MIPOL1: variants seen among roughly 807,000 people sequenced by gnomAD.
The protein encoded by MIPOL1 is mirror-image polydactyly gene 1 protein.
MIPOL1 carries 57 observed loss-of-function variants against 60.9 expected under a neutral mutation model. The observed-to-expected ratio is 0.94, with a 90% CI of 0.76 to 1.17. The LOEUF is 1.17. Among genes scored for constraint, MIPOL1 ranks in the 50% most tolerant of loss-of-function variants. The pLI is 0.00. For synonymous variants in MIPOL1, 179 were observed against 168.8 expected (o/e 1.06, Z -0.47); for missense variants, 551 against 511.6 (o/e 1.08, Z -0.74).
At chr14:37,257,213 A>G (rs1975114964) in intron 3 of MIPOL1, among the ~76,000 whole-genome samples, 1 of 151,638 alleles carries the variant, frequency 6.6e-6, no homozygotes, top group Non-Finnish European at 1.5e-5. Flanking sequence ...GAGTATAATG[A>G]TTTCCTAAAA....
At chr14:37,512,715 G>C (rs1342754197) in intron 12 of MIPOL1, among the ~76,000 whole-genome samples, 1 of 151,788 alleles carries the variant, frequency 6.6e-6, no homozygotes, top group African/African-American at 2.4e-5. Context: ...TAAGTGTCAA[G>C]GCAAAATTAG....
rs1040676765 is a variant in MIPOL1, at chr14:37,489,516, G to A, written c.1032-10392G>A. On this transcript the variant is annotated intron_variant, in intron 11 of 12. Transcript: ENST00000684589. ...TGGCAATGAGCTGTGATCCTTTGGA[G>A]GAGAAGAGACATTCTGGTTTTTGGA... Among the ~76,000 whole-genome samples the A allele has an allele frequency of 1.1e-3, 164 of 152,270 alleles. 1 individual carries two copies. Among genetic ancestry groups the A allele is most frequent in the African/African-American group, 3.7e-3 (155 of 41,554 alleles).
chr14:37,435,085 C>A (rs1014867903), intron 11 of MIPOL1, among the ~76,000 whole-genome samples: 1 of 152,060 alleles, frequency 6.6e-6, no homozygotes, highest in Non-Finnish European at 1.5e-5. Flanking sequence ...CTTCCTCAAC[C>A]CTGTAGGTAT....
chr14:37,251,976 G>C (rs1487205243), intron 3 of MIPOL1, among the ~76,000 whole-genome samples: 1 of 151,522 alleles, frequency 6.6e-6, no homozygotes, highest in African/African-American at 2.4e-5. Flanking sequence ...CCCTAAGAAA[G>C]GTTACAAAAG....
intron 12 of MIPOL1, among the ~76,000 whole-genome samples, chr14:37,534,065 C>A: frequency 7.6e-6 from 1 of 130,748 alleles, no homozygotes. Context: ...TCCATCCTGG[C>A]GAGACTCCAT....
At chr14:37,356,103 G>C (rs1369657623) in intron 9 of MIPOL1, among the ~76,000 whole-genome samples, 61 of 150,082 alleles carry the variant, frequency 4.1e-4, no homozygotes, top group Non-Finnish European at 7.7e-4. Flanking sequence ...TGTCCTTTCT[G>C]TTTGTTAGTT....
At chr14:37,244,287 AT>A (rs1221466796) in intron 1 of MIPOL1, among the ~76,000 whole-genome samples, 6 of 149,396 alleles carry the variant, frequency 4.0e-5, no homozygotes, top group African/African-American at 7.3e-5. Context: ...AGCCAGGCTA[AT>A]TTTTTTTTAT....
intron 4 of MIPOL1, 116 bp downstream of exon 4, chr14:37,267,285 C>G: frequency 2.9e-6 from 2 of 690,434 alleles, no homozygotes; most frequent in South Asian, 1.8e-5. Context: ...GTCAGGAGTT[C>G]GAGACCAGCC....
At chr14:37,545,172 C>T (rs565496109) in intron 12 of MIPOL1, among the ~76,000 whole-genome samples, 2 of 152,294 alleles carry the variant, frequency 1.3e-5, no homozygotes, top group Non-Finnish European at 2.9e-5. Context: ...CAAAGCAATG[C>T]TACTAATATC....
At chr14:37,286,723 T>G (rs2084597884) in intron 7 of MIPOL1, among the ~76,000 whole-genome samples, 1 of 152,182 alleles carries the variant, frequency 6.6e-6, no homozygotes, top group African/African-American at 2.4e-5. Flanking sequence ...GGCTTCATTT[T>G]TTTTGAAGAT....
At position 37,396,070 on chromosome 14, in the gene MIPOL1, G is replaced by GT. The variant is rs553337707; in HGVS notation, c.936+26456dup. Among the ~76,000 whole-genome samples the GT allele has an allele frequency of 2.8e-3, 407 of 146,964 alleles. 6 individuals are homozygous for GT. The East Asian group carries it at 0.043, about 16-fold the overall frequency. On this transcript the variant is annotated intron_variant, in intron 10 of 12. Transcript: ENST00000684589. ...ATGCTATTTGTTGCCTGTGTACCTT[G>GT]TTTTTTTTTTGTTTTTTGTTTTTGC...
intron 1 of MIPOL1, among the ~76,000 whole-genome samples, chr14:37,203,662 C>T (rs1041418949): frequency 2.0e-5 from 3 of 152,144 alleles, no homozygotes; most frequent in African/African-American, 7.2e-5. Flanking sequence ...GCTCACTCAC[C>T]TTGAGGAAGT....
chr14:37,416,711 T>C (rs1373454002), intron 10 of MIPOL1, among the ~76,000 whole-genome samples: 1 of 152,152 alleles, frequency 6.6e-6, no homozygotes, highest in East Asian at 1.9e-4. Context: ...CTCTCCTAGT[T>C]ACCTTGGTCA....
intron 3 of MIPOL1, among the ~76,000 whole-genome samples, chr14:37,260,992 T>A (rs370211939): frequency 6.6e-6 from 1 of 152,178 alleles, no homozygotes; most frequent in East Asian, 1.9e-4. Context: ...GTTAATTTTC[T>A]TTCTTTGACG....
chr14:37,543,074 A>T (rs187880342), intron 12 of MIPOL1, among the ~76,000 whole-genome samples: 1 of 152,228 alleles, frequency 6.6e-6, no homozygotes, highest in East Asian at 1.9e-4. Context: ...CTATCTACAT[A>T]GCCACCAAAA....
At chr14:37,325,930 T>C (rs2089112757) in intron 9 of MIPOL1, among the ~76,000 whole-genome samples, 1 of 152,164 alleles carries the variant, frequency 6.6e-6, no homozygotes, top group South Asian at 2.1e-4. Context: ...GTGGTATCCA[T>C]GTTATGTCCT....
At chr14:37,450,799 T>C (rs1318511476) in intron 11 of MIPOL1, among the ~76,000 whole-genome samples, 1 of 152,152 alleles carries the variant, frequency 6.6e-6, no homozygotes, top group Non-Finnish European at 1.5e-5. Flanking sequence ...AGAAATTTCT[T>C]CAACTTGATT....
At chr14:37,330,489 CATATAATTAACAGTCCTCA>C (rs1200050269) in intron 9 of MIPOL1, among the ~76,000 whole-genome samples, 10 of 152,078 alleles carry the variant, frequency 6.6e-5, no homozygotes, top group African/African-American at 1.4e-4. Context: ...GTTATGATTC[CATATAATTAACAGTCCTCA>C]ATATAATTAA....
rs572083972 is a variant in MIPOL1, at chr14:37,376,128, A to G, written c.936+6504A>G. On this transcript the variant is annotated intron_variant, in intron 10 of 12. Transcript: ENST00000684589. The stretch of plus-strand genomic sequence containing the variant: ...CCACAGACATACAACCTCTCCCACT[A>G]TCAACATCCTGCACCAGAGTGGTAC... 5.9e-5 allele frequency among the ~76,000 whole-genome samples: 9 copies of G among 152,296 alleles called. No homozygotes were observed. The East Asian group carries it at 1.2e-3, about 20-fold the overall frequency.
Sources: gnomAD v4.1 joint callset for allele counts (sites outside exome capture counted in the v4.1 genomes callset) on GRCh38, gnomAD v4.1.1 for gene constraint, MANE v1.5 for transcripts, NCBI Gene and HGNC (gene_info 2026-07-23, HGNC 2026-07-21) for gene names.